Variants in HPSE2 observed in about 807,000 individuals in gnomAD.
The protein encoded by HPSE2 is heparanase 2 (inactive).
A neutral mutation model predicts 60.5 loss-of-function variants in HPSE2; 38 were observed. The ratio of observed to expected loss-of-function variants is 0.63; its 90% CI spans 0.48 to 0.82. HPSE2 has a LOEUF of 0.82. Among genes scored for constraint, HPSE2 ranks in the 40% least tolerant of loss-of-function variants. The pLI, the probability that HPSE2 is intolerant of heterozygous loss-of-function variation, is 0.00. For synonymous variants in HPSE2, 295 were observed against 293.2 expected (o/e 1.01, Z -0.06); for missense variants, 713 against 740.4 (o/e 0.96, Z 0.43).
the HPSE2 span, among the ~76,000 whole-genome samples, chr10:99,282,258 CA>C: frequency 6.7e-6 from 1 of 149,918 alleles, no homozygotes; most frequent in Non-Finnish European, 1.5e-5. Flanking sequence ...GACTCCGTCT[CA>C]AAAAAAAGGA....
At chr10:99,274,075 G>A in the HPSE2 span, among the ~76,000 whole-genome samples, 1 of 152,262 alleles carries the variant, frequency 6.6e-6, no homozygotes, top group African/African-American at 2.4e-5. Flanking sequence ...GGCAGGTGCG[G>A]TGGCTCACGC....
At chr10:98,907,219 T>G (rs1430177707) in intron 3 of HPSE2, among the ~76,000 whole-genome samples, 1 of 152,206 alleles carries the variant, frequency 6.6e-6, no homozygotes, top group Admixed American at 6.5e-5. Flanking sequence ...ACTGACTAGT[T>G]GATATGGACA....
intron 4 of HPSE2, among the ~76,000 whole-genome samples, chr10:98,734,213 T>C (rs1554980532): frequency 3.3e-5 from 5 of 152,210 alleles, no homozygotes; most frequent in Non-Finnish European, 2.9e-5. Context: ...TAGTATTTCT[T>C]TGTATGTATT....
intron 3 of HPSE2, among the ~76,000 whole-genome samples, chr10:99,011,928 T>C (rs963818590): frequency 1.3e-5 from 2 of 151,894 alleles, no homozygotes; most frequent in African/African-American, 4.8e-5. Context: ...TTACAGAAGA[T>C]ACAACAAATT....
At chr10:98,631,347 T>C (rs1167002740) in intron 7 of HPSE2, among the ~76,000 whole-genome samples, 6 of 151,988 alleles carry the variant, frequency 3.9e-5, no homozygotes, top group Admixed American at 6.6e-5. Context: ...TGCAAGAAAA[T>C]GGGAAAGAAA....
chr10:98,656,246 C>T (rs149316700), intron 6 of HPSE2, among the ~76,000 whole-genome samples: 7 of 152,118 alleles, frequency 4.6e-5, no homozygotes, highest in Admixed American at 6.5e-5. Context: ...CCACCACACC[C>T]GGCTAATGCT....
intron 2 of HPSE2, among the ~76,000 whole-genome samples, chr10:99,168,087 TACACACAC>T (rs56393224): frequency 0.47 from 67,278 of 144,582 alleles, 17,548 homozygotes; most frequent in East Asian, 0.6. Flanking sequence ...TCAGCCTATT[TACACACAC>T]ACACACACAC....
At chr10:98,773,456 T>C (rs1950281383) in intron 3 of HPSE2, among the ~76,000 whole-genome samples, 1 of 152,186 alleles carries the variant, frequency 6.6e-6, no homozygotes, top group Non-Finnish European at 1.5e-5. Flanking sequence ...CCCTTATAAT[T>C]TGTAATTCCC....
chr10:98,798,966 A>G (rs949896934), intron 3 of HPSE2, among the ~76,000 whole-genome samples: 1 of 152,180 alleles, frequency 6.6e-6, no homozygotes, highest in Non-Finnish European at 1.5e-5. Context: ...AAAATGGACT[A>G]AACTCCACAA....
At chr10:98,728,733 T>TGTG (rs1949153782) in intron 4 of HPSE2, among the ~76,000 whole-genome samples, 1 of 151,912 alleles carries the variant, frequency 6.6e-6, no homozygotes, top group Admixed American at 6.6e-5. Context: ...ACAGGGTGGG[T>TGTG]GTGGTGGCTC....
chr10:99,239,326 C>T (rs537579694), upstream of HPSE2, among the ~76,000 whole-genome samples: 6 of 149,040 alleles, frequency 4.0e-5, no homozygotes, highest in Admixed American at 6.7e-5. Context: ...TGTAAGAAAA[C>T]GTGAAGATTA....
chr10:99,117,957 C>T (rs1160267394), intron 3 of HPSE2, among the ~76,000 whole-genome samples: 1 of 151,990 alleles, frequency 6.6e-6, no homozygotes. Context: ...AACATCGATG[C>T]AAAAATCCTA....
At chr10:99,290,582 C>T in the HPSE2 span, among the ~76,000 whole-genome samples, 1 of 144,462 alleles carries the variant, frequency 6.9e-6, no homozygotes, top group African/African-American at 2.6e-5. Context: ...CCACCTCAGA[C>T]CAGGTGGTTC....
chr10:99,121,092 T>C (rs772951519), intron 3 of HPSE2, among the ~76,000 whole-genome samples: 3 of 152,134 alleles, frequency 2.0e-5, no homozygotes, highest in Non-Finnish European at 2.9e-5. Flanking sequence ...AAAGAAAATG[T>C]ACCACAGAAT....
chr10:98,636,237 T>G (rs1188373235), intron 7 of HPSE2, among the ~76,000 whole-genome samples: 5 of 21,484 alleles, frequency 2.3e-4, no homozygotes, highest in South Asian at 1.7e-3. Flanking sequence ...ATTATCCTGT[T>G]TTTTTTTTTG....
At chr10:99,032,160 T>C (rs1406867243) in intron 3 of HPSE2, among the ~76,000 whole-genome samples, 1 of 152,152 alleles carries the variant, frequency 6.6e-6, no homozygotes, top group Non-Finnish European at 1.5e-5. Flanking sequence ...TTGGAGGACA[T>C]CAGTAAGAAG....
intron 9 of HPSE2, among the ~76,000 whole-genome samples, chr10:98,556,904 G>T (rs1289209930): frequency 2.0e-5 from 3 of 152,108 alleles, no homozygotes; most frequent in Non-Finnish European, 4.4e-5. Context: ...CAGATATGAA[G>T]ACTTATTATA....
chr10:98,895,441 T>G (rs1328084758), intron 3 of HPSE2, among the ~76,000 whole-genome samples: 3 of 152,160 alleles, frequency 2.0e-5, no homozygotes, highest in Admixed American at 1.3e-4. Context: ...CAATTCTGTG[T>G]GTATTTTAAT....
At chr10:98,905,669 T>C (rs1953795760) in intron 3 of HPSE2, among the ~76,000 whole-genome samples, 1 of 152,100 alleles carries the variant, frequency 6.6e-6, no homozygotes, top group Non-Finnish European at 1.5e-5. Context: ...TATAAATAGC[T>C]CCAATATTAT....
Sources: gnomAD v4.1 joint callset for allele counts (sites outside exome capture counted in the v4.1 genomes callset) on GRCh38, gnomAD v4.1.1 for gene constraint, MANE v1.5 for transcripts, NCBI Gene and HGNC (gene_info 2026-07-23, HGNC 2026-07-21) for gene names.